Variants in SYN3 observed in about 807,000 individuals in gnomAD.
SYN3 encodes the protein synapsin-3.
A neutral mutation model predicts 65.8 loss-of-function variants in SYN3; 35 were observed. The observed-to-expected ratio is 0.53, with a 90% confidence interval of 0.41 to 0.70. The LOEUF is 0.70. Among genes scored for constraint, SYN3 ranks in the 30% least tolerant of loss-of-function variants. The pLI, the probability that SYN3 is intolerant of heterozygous loss-of-function variation, is 0.00. For missense variants in SYN3, 680 were observed against 749.0 expected, an observed-to-expected ratio of 0.91 and a Z score of 1.08; for synonymous variants, 270 against 292.9, an observed-to-expected ratio of 0.92 and a Z score of 0.80.
intron 6 of SYN3, among the ~76,000 whole-genome samples, chr22:32,636,591 G>T (rs2146851236): frequency 6.6e-6 from 1 of 152,222 alleles, no homozygotes; most frequent in African/African-American, 2.4e-5. Flanking sequence ...CTCAGTAATG[G>T]TGACCTTGAT....
intron 10 of SYN3, among the ~76,000 whole-genome samples, chr22:32,529,570 C>T (rs1451911165): frequency 6.6e-6 from 1 of 152,172 alleles, no homozygotes; most frequent in East Asian, 1.9e-4. Flanking sequence ...TCTCAAAGTG[C>T]TTCTATCGGG....
chr22:32,952,795 A>G (rs543985289), intron 3 of SYN3, among the ~76,000 whole-genome samples: 10 of 152,320 alleles, frequency 6.6e-5, no homozygotes, highest in Middle Eastern at 3.4e-3. Flanking sequence ...AATAAAAAGC[A>G]GTGTTTTGCA....
At chr22:32,929,951 C>T (rs890261456) in intron 4 of SYN3, among the ~76,000 whole-genome samples, 4 of 152,142 alleles carry the variant, frequency 2.6e-5, no homozygotes, top group Admixed American at 2.6e-4. Flanking sequence ...CACACCAACT[C>T]TTAGAAGGCC....
intron 6 of SYN3, among the ~76,000 whole-genome samples, chr22:32,785,189 C>G (rs2046162565): frequency 6.6e-6 from 1 of 151,972 alleles, no homozygotes; most frequent in African/African-American, 2.4e-5. Context: ...TCAGTCGGTG[C>G]AGCTCTTGTT....
chr22:32,909,124 G>T (rs1174514321), intron 4 of SYN3, among the ~76,000 whole-genome samples: 1 of 152,162 alleles, frequency 6.6e-6, no homozygotes, highest in East Asian at 1.9e-4. Flanking sequence ...AAAGAAGGAC[G>T]CATGGGCACC....
At chr22:32,564,685 G>C (rs1362535147) in intron 7 of SYN3, among the ~76,000 whole-genome samples, 66 of 126,400 alleles carry the variant, frequency 5.2e-4, no homozygotes, top group Middle Eastern at 5.4e-3. Flanking sequence ...TGCACCCAAA[G>C]AGTGCTCTCG....
chr22:32,952,656 G>A (rs954104935), intron 3 of SYN3, among the ~76,000 whole-genome samples: 1 of 152,260 alleles, frequency 6.6e-6, no homozygotes, highest in African/African-American at 2.4e-5. Flanking sequence ...CTTAGGACTC[G>A]AAGCGGAAGG....
intron 3 of SYN3, among the ~76,000 whole-genome samples, chr22:32,936,855 A>C (rs1039830757): frequency 6.6e-6 from 1 of 152,190 alleles, no homozygotes; most frequent in African/African-American, 2.4e-5. Context: ...TTTACAGTGA[A>C]AGTCCCATGT....
At chr22:33,052,772 T>G (rs1405797850) in intron 1 of SYN3, among the ~76,000 whole-genome samples, 1 of 152,218 alleles carries the variant, frequency 6.6e-6, no homozygotes, top group Non-Finnish European at 1.5e-5. Flanking sequence ...AAGGCAAAAT[T>G]CTGCTTCTAG....
At chr22:32,758,796 G>A (rs538616086) in intron 6 of SYN3, among the ~76,000 whole-genome samples, 52 of 149,202 alleles carry the variant, frequency 3.5e-4, no homozygotes, top group African/African-American at 1.2e-3. Flanking sequence ...TCTAGGCTCA[G>A]ATAATTATAA....
chr22:32,947,365 G>A (rs1238971370), intron 3 of SYN3: 1 of 152,158 alleles, frequency 6.6e-6, no homozygotes, highest in African/African-American at 2.4e-5. Flanking sequence ...GCTGTTCATT[G>A]TTTTATACCC....
intron 4 of SYN3, among the ~76,000 whole-genome samples, chr22:32,892,735 G>A (rs762906459): frequency 6.6e-6 from 1 of 152,188 alleles, no homozygotes; most frequent in East Asian, 1.9e-4. Flanking sequence ...CCAGTCTTCT[G>A]CTGTAGGTCT....
intron 6 of SYN3, among the ~76,000 whole-genome samples, chr22:32,621,128 C>T (rs985045505): frequency 6.6e-6 from 1 of 152,156 alleles, no homozygotes; most frequent in South Asian, 2.1e-4. Context: ...AAGACATTTA[C>T]ACCAGATCCC....
intron 6 of SYN3, among the ~76,000 whole-genome samples, chr22:32,844,162 G>C (rs35337678): frequency 6.6e-6 from 1 of 152,168 alleles, no homozygotes; most frequent in Non-Finnish European, 1.5e-5. Context: ...CCAACCATTA[G>C]GTCGGGGAAG....
intron 12 of SYN3, among the ~76,000 whole-genome samples, chr22:32,522,217 T>G (rs145387698): frequency 6.6e-6 from 1 of 152,242 alleles, no homozygotes; most frequent in Admixed American, 6.5e-5. Context: ...GAAAGCGTTG[T>G]TTTTCATTAG....
rs150637793 is a variant in SYN3 at position 32,755,149 on chromosome 22, A to C, written c.711+109766T>G. On this transcript the variant is annotated intron_variant, in intron 6 of 13. Coordinates refer to ENST00000358763, the MANE Select transcript of SYN3 (RefSeq NM_003490.4). ...ATCGAACATTTACTGAGAACTATGG[A>C]GTTCCAGCACTTTTTGCAAAGGTCA... Among the ~76,000 whole-genome samples, 17 of 152,322 alleles carry C rather than the reference A, an allele frequency of 1.1e-4. No individual in the cohort carries two copies. In the East Asian group the frequency reaches 3.3e-3, roughly 29 times the overall value.
chr22:32,609,621 C>T (rs1168298805), intron 6 of SYN3, among the ~76,000 whole-genome samples: 9 of 149,206 alleles, frequency 6.0e-5, no homozygotes, highest in Admixed American at 3.3e-4. Context: ...GGACTACAAG[C>T]GTGTGCCACC....
chr22:32,571,624 A>G (rs964239615), intron 7 of SYN3, among the ~76,000 whole-genome samples: 2 of 152,236 alleles, frequency 1.3e-5, no homozygotes, highest in African/African-American at 2.4e-5. Flanking sequence ...TCCCAAAGTC[A>G]TAATTAAAAA....
At chr22:32,904,586 G>C (rs1486746543) in intron 4 of SYN3, among the ~76,000 whole-genome samples, 1 of 152,104 alleles carries the variant, frequency 6.6e-6, no homozygotes, top group South Asian at 2.1e-4. Flanking sequence ...GCAGAATTGG[G>C]GTTTTAGAGG....
Sources: gnomAD v4.1 joint callset for allele counts (sites outside exome capture counted in the v4.1 genomes callset) on GRCh38, gnomAD v4.1.1 for gene constraint, MANE v1.5 for transcripts, NCBI Gene and HGNC (gene_info 2026-07-23, HGNC 2026-07-21) for gene names.